Variants in TLK1 observed in about 807,000 individuals in gnomAD.
TLK1 encodes serine/threonine-protein kinase tousled-like 1.
Under a neutral mutation model 105.3 loss-of-function variants are expected in TLK1, and 24 were observed. That is an observed-to-expected ratio of 0.23 (90% CI 0.17 to 0.32). TLK1 has a LOEUF of 0.32. Among genes scored for constraint, TLK1 ranks in the 10% least tolerant of loss-of-function variants. The probability of loss-of-function intolerance (pLI) is 1.00; values close to 1 mark genes in which losing one functional copy is unlikely to be tolerated. For missense variants in TLK1, 558 were observed against 910.5 expected (o/e 0.61, Z 4.98); for synonymous variants, 321 against 310.4 (o/e 1.03, Z -0.36).
chr2:171,180,192 CAGAGCG>C (rs1019829433), intron 1 of TLK1, among the ~76,000 whole-genome samples: 2 of 150,754 alleles, frequency 1.3e-5, no homozygotes, highest in African/African-American at 2.4e-5. Context: ...GCCTGGATGA[CAGAGCG>C]AGAGCGAGAG....
At chr2:170,996,582 C>G in intron 20 of TLK1, 71 bp downstream of exon 20, 1 of 1,299,648 alleles carries the variant, frequency 7.7e-7, no homozygotes, top group Admixed American at 1.9e-5. Flanking sequence ...CTGGAAAGTA[C>G]TTACCTTGTT....
intron 1 of TLK1, among the ~76,000 whole-genome samples, chr2:171,151,914 T>C (rs183734365): frequency 6.1e-4 from 93 of 152,298 alleles, no homozygotes; most frequent in African/African-American, 2.2e-3. Flanking sequence ...ATTTTATATT[T>C]TTTATGAGGC....
At chr2:171,059,886 C>A (rs771866906) in intron 4 of TLK1, 1 of 1,039,674 alleles carries the variant, frequency 9.6e-7, no homozygotes, top group Non-Finnish European at 1.5e-6. Flanking sequence ...GACAGGAGGC[C>A]GAGCTTAGGC....
intron 11 of TLK1, among the ~76,000 whole-genome samples, chr2:171,028,806 T>C (rs1685899930): frequency 6.6e-6 from 1 of 152,162 alleles, no homozygotes; most frequent in African/African-American, 2.4e-5. Flanking sequence ...GTACACTCTA[T>C]AGTGGAAGTA....
chr2:171,081,857 G>T, intron 3 of TLK1: 1 of 440,116 alleles, frequency 2.3e-6, no homozygotes, highest in Non-Finnish European at 4.1e-6. Flanking sequence ...CACCTTTGAA[G>T]TTCCCTTTCC....
At position 170,990,932 on chromosome 2, in the gene TLK1, G is replaced by A. The variant is rs1339010809; in HGVS notation, c.*2848C>T. 1.3e-5 allele frequency: 2 copies of A among 151,890 alleles called. No homozygotes were observed. Among genetic ancestry groups the A allele is most frequent in the Admixed American group, 1.3e-4 (2 of 15,260 alleles). 9.4% of individuals were successfully genotyped at this position (151,890 alleles called of 1,614,324 possible). A position where few individuals can be genotyped will look rare whatever the true frequency, so the allele number is the denominator to read the frequency against. ...CTTCACCATTTTGACTTCATGTAAT[G>A]AGGTGTTTGTTCACATTTTATATGC... On this transcript the variant is annotated 3_prime_UTR_variant, in exon 21 of 21. Transcript: ENST00000431350.
chr2:171,121,223 T>C (rs763810140), intron 1 of TLK1, among the ~76,000 whole-genome samples: 3 of 152,172 alleles, frequency 2.0e-5, no homozygotes, highest in Non-Finnish European at 2.9e-5. Context: ...GTAAATTTTA[T>C]ATTTTGCCAC....
At chr2:171,052,942 T>C (rs1036827699) in intron 8 of TLK1, among the ~76,000 whole-genome samples, 1 of 152,208 alleles carries the variant, frequency 6.6e-6, no homozygotes, top group Non-Finnish European at 1.5e-5. Flanking sequence ...ACCTACATCA[T>C]CATCAACTTG....
intron 8 of TLK1, among the ~76,000 whole-genome samples, chr2:171,051,615 C>T (rs975286703): frequency 6.6e-6 from 1 of 152,156 alleles, no homozygotes; most frequent in Non-Finnish European, 1.5e-5. Context: ...AATATCTGAG[C>T]TGCCCACTTC....
At chr2:171,068,500 T>TTAAA (rs1688114643) in intron 3 of TLK1, among the ~76,000 whole-genome samples, 1 of 152,196 alleles carries the variant, frequency 6.6e-6, no homozygotes, top group African/African-American at 2.4e-5. Context: ...TGCTCTATCA[T>TTAAA]ATCTTTATTA....
chr2:171,185,395 G>A (rs1484609645), intron 1 of TLK1, among the ~76,000 whole-genome samples: 1 of 151,968 alleles, frequency 6.6e-6, no homozygotes, highest in African/African-American at 2.4e-5. Context: ...CTTCAATACA[G>A]AGTCCAAATT....
At chr2:171,067,326 G>T (rs1482631657) in intron 3 of TLK1, among the ~76,000 whole-genome samples, 1 of 150,130 alleles carries the variant, frequency 6.7e-6, no homozygotes, top group Non-Finnish European at 1.5e-5. Context: ...CACCCAGCTT[G>T]TTTTTTTTGT....
At chr2:171,115,170 C>CTTTTTTTTTTTTTTTTTTTTTTT (rs373796060) in intron 2 of TLK1, among the ~76,000 whole-genome samples, 2 of 135,766 alleles carry the variant, frequency 1.5e-5, no homozygotes, top group Admixed American at 7.4e-5. Flanking sequence ...TTAAGAATTT[C>CTTTTTTTTTTTTTTTTTTTTTTT]TTTCTTTTTT....
intron 18 of TLK1, among the ~76,000 whole-genome samples, chr2:171,001,124 A>C (rs540423366): frequency 6.6e-6 from 1 of 152,234 alleles, no homozygotes; most frequent in African/African-American, 2.4e-5. Flanking sequence ...GCAGCAATGT[A>C]CTCTTTCAGG....
intron 3 of TLK1, among the ~76,000 whole-genome samples, chr2:171,067,798 C>T (rs2010114): frequency 0.57 from 87,114 of 151,652 alleles, 26,929 homozygotes; most frequent in East Asian, 0.95. Flanking sequence ...TATGTGAAGT[C>T]CCCCCAACCG....
chr2:171,082,689 G>C, intron 3 of TLK1, 92 bp downstream of exon 3: 1 of 1,020,358 alleles, frequency 9.8e-7, no homozygotes, highest in Non-Finnish European at 1.5e-6. Flanking sequence ...TTAACCTTTA[G>C]CAAAAGAACT....
chr2:170,998,057 TC>T (rs1684154357), intron 18 of TLK1, among the ~76,000 whole-genome samples: 1 of 62,282 alleles, frequency 1.6e-5, no homozygotes, highest in South Asian at 1.1e-3. Context: ...TATCTATCTA[TC>T]TATCTATCTA....
chr2:171,053,543 A>G lies in TLK1; in HGVS notation c.732+218T>C, dbSNP rs567156906. Among the ~76,000 whole-genome samples the G allele has an allele frequency of 2.0e-5, 3 of 152,226 alleles. No homozygotes were observed. In the East Asian group the frequency reaches 5.8e-4, roughly 29 times the overall value. Reference sequence around the variant, plus strand: ...ATGCCCAGCCAATTTTTGTATTTTTAGTAGAAACGGGGTTTCACCATGTTG... The same window carrying G: ...ATGCCCAGCCAATTTTTGTATTTTTGGTAGAAACGGGGTTTCACCATGTTG... On this transcript the variant is annotated intron_variant, in intron 8 of 20. Coordinates refer to ENST00000431350, the MANE Select transcript of TLK1 (RefSeq NM_012290.5).
At chr2:171,195,501 CA>C (rs55835853) in intron 1 of TLK1, among the ~76,000 whole-genome samples, 9,764 of 66,218 alleles carry the variant, frequency 0.15, 254 homozygotes, top group African/African-American at 0.27. Flanking sequence ...GACTCTGTCT[CA>C]AAAAAAAAAA....
Sources: allele counts gnomAD v4.1 joint callset (sites outside exome capture counted in the v4.1 genomes callset), GRCh38; gene constraint gnomAD v4.1.1; transcripts MANE v1.5; gene names NCBI Gene and HGNC (gene_info 2026-07-23, HGNC 2026-07-21).